Variants in TNRC6B observed in about 807,000 individuals in gnomAD.
TNRC6B encodes trinucleotide repeat containing adaptor 6B, also known as trinucleotide repeat-containing gene 6B protein.
A neutral mutation model predicts 203.6 loss-of-function variants in TNRC6B; 52 were observed. That is an observed-to-expected ratio of 0.26 (90% CI 0.20 to 0.32). The LOEUF is 0.32. TNRC6B is among the 10% of genes least tolerant of loss of function. The probability of loss-of-function intolerance (pLI) is 1.00; values close to 1 mark genes in which losing one functional copy is unlikely to be tolerated. For synonymous variants in TNRC6B, 838 were observed against 845.7 expected, an observed-to-expected ratio of 0.99 and a Z score of 0.16; for missense variants, 1,923 against 2,286.2, an observed-to-expected ratio of 0.84 and a Z score of 3.24.
chr22:40,232,750 C>T (rs5750907), intron 1 of TNRC6B, among the ~76,000 whole-genome samples: 49,310 of 152,092 alleles, frequency 0.32, 9,653 homozygotes, highest in East Asian at 0.57. Flanking sequence ...CAGTGGTGCA[C>T]GCCTCTAATC....
chr22:40,240,197 T>A (rs1395848994), intron 1 of TNRC6B, among the ~76,000 whole-genome samples: 7 of 152,150 alleles, frequency 4.6e-5, no homozygotes, highest in Non-Finnish European at 7.3e-5. Context: ...TTGTAAAAAA[T>A]TAAGAAGAAA....
At chr22:40,056,200 G>C (rs763617389) in intron 1 of TNRC6B, among the ~76,000 whole-genome samples, 1 of 152,108 alleles carries the variant, frequency 6.6e-6, no homozygotes, top group Non-Finnish European at 1.5e-5. Context: ...TCCATACCTT[G>C]TTGGCTAAAC....
chr22:40,153,596 T>C (rs2068781298), intron 3 of TNRC6B, among the ~76,000 whole-genome samples: 1 of 150,896 alleles, frequency 6.6e-6, no homozygotes, highest in Non-Finnish European at 1.5e-5. Context: ...TAATTATTAG[T>C]TCCAGGGAAA....
chr22:40,114,549 C>A (rs1323369730), intron 1 of TNRC6B, among the ~76,000 whole-genome samples: 1 of 152,136 alleles, frequency 6.6e-6, no homozygotes, highest in Non-Finnish European at 1.5e-5. Context: ...TCTCGAACTC[C>A]TGAGCTTAAC....
At chr22:40,197,355 G>A (rs931812320) in intron 1 of TNRC6B, among the ~76,000 whole-genome samples, 4 of 151,942 alleles carry the variant, frequency 2.6e-5, no homozygotes, top group African/African-American at 9.7e-5. Flanking sequence ...CTTGATCTCA[G>A]CTCACTGCAA....
rs756951957 is a variant in TNRC6B at position 40,303,046 on chromosome 22, C to CT, written c.4120+1734dup. Reference sequence around the variant, plus strand: ...CCTTCTTCTTCTTCTTCTTCTTCTTCTTTTTTTTTTTTTTTTTTTTTGAGG... The same window carrying CT: ...CCTTCTTCTTCTTCTTCTTCTTCTTCTTTTTTTTTTTTTTTTTTTTTTGAGG... On this transcript the variant is annotated intron_variant, in intron 15 of 22. Coordinates refer to ENST00000454349, the MANE Select transcript of TNRC6B (RefSeq NM_001162501.2). Among the ~76,000 whole-genome samples, 733 of 90,062 alleles carry CT rather than the reference C, an allele frequency of 8.1e-3. 8 individuals carry two copies. Among genetic ancestry groups the CT allele is most frequent in the East Asian group, 0.03 (102 of 3,348 alleles). The allele number at this position is 90,062 out of a possible 152,430, so 59.1% of individuals were successfully genotyped here.
At position 40,266,047 on chromosome 22, in the gene TNRC6B, C is replaced by T. The variant is rs1569045128; in HGVS notation, c.1817C>T (p.Thr606Ile). The change falls in exon 5 of 23, where the codon ACT becomes ATT. Residue 606 changes from threonine (T) to isoleucine (I), a missense_variant. Physicochemically the swap from Thr to Ile is moderately conservative, Grantham distance 89. Coordinates refer to ENST00000454349, the MANE Select transcript of TNRC6B (RefSeq NM_001162501.2). ...CCTGATTGTCAGGCTGTCTTGCAGA[C>T]TCTTTTGAGCCGAACTGATTTGGAC... is the stretch of plus-strand genomic sequence containing the variant. ...THPDCQAVLQ[T>I]LLSRTDLDPR... is the part of the protein sequence containing the mutation. 1 of 1,613,590 alleles carries T rather than the reference C, an allele frequency of 6.2e-7. No homozygotes were observed. The highest frequency in any genetic ancestry group is 1.7e-5 in the Admixed American group (1 of 60,014).
intron 1 of TNRC6B, among the ~76,000 whole-genome samples, chr22:40,112,967 C>T (rs538741156): frequency 1.3e-5 from 2 of 152,164 alleles, no homozygotes; most frequent in African/African-American, 4.8e-5. Flanking sequence ...TAGAGCCAGG[C>T]ATGGTGGCAC....
intron 2 of TNRC6B, among the ~76,000 whole-genome samples, chr22:40,122,871 G>A (rs1214571733): frequency 6.6e-6 from 1 of 152,174 alleles, no homozygotes; most frequent in African/African-American, 2.4e-5. Context: ...CCAAGTTTTG[G>A]TAGGGAAGCT....
At chr22:40,285,588 C>T (rs1291052673) in intron 11 of TNRC6B, 57 bp from the exon 12 acceptor site, 1 of 1,581,858 alleles carries the variant, frequency 6.3e-7, no homozygotes, top group Non-Finnish European at 8.6e-7. Flanking sequence ...AGAACTGTTT[C>T]TTACTTGCAT....
At chr22:40,269,126 C>CCTTT (rs2070522098) in intron 5 of TNRC6B, among the ~76,000 whole-genome samples, 2 of 57,854 alleles carry the variant, frequency 3.5e-5, no homozygotes, top group East Asian at 1.4e-3. Context: ...TACAGTATTT[C>CCTTT]TTTTTTTTTT....
intron 1 of TNRC6B, among the ~76,000 whole-genome samples, chr22:40,080,240 G>A (rs903169832): frequency 5.3e-5 from 8 of 151,294 alleles, no homozygotes; most frequent in Non-Finnish European, 8.8e-5. Flanking sequence ...ACCATGCCCA[G>A]CCAATTTTTT....
chr22:40,157,599 A>G (rs141601665), intron 4 of TNRC6B, among the ~76,000 whole-genome samples: 32 of 152,324 alleles, frequency 2.1e-4, no homozygotes, highest in African/African-American at 7.5e-4. Flanking sequence ...TATTCTATCA[A>G]ATGCACTTAC....
intron 3 of TNRC6B, among the ~76,000 whole-genome samples, chr22:40,251,649 G>T (rs1229655602): frequency 2.0e-5 from 3 of 151,800 alleles, no homozygotes. Flanking sequence ...AACCTGGGAG[G>T]CAGAGGTTGC....
intron 1 of TNRC6B, among the ~76,000 whole-genome samples, chr22:40,233,059 A>G (rs2069897577): frequency 6.6e-6 from 1 of 152,066 alleles, no homozygotes; most frequent in Admixed American, 6.6e-5. Context: ...GAGGCAGGAG[A>G]ATCGCTTGCA....
intron 15 of TNRC6B, among the ~76,000 whole-genome samples, chr22:40,306,246 T>G (rs1170355320): frequency 2.0e-5 from 3 of 152,146 alleles, no homozygotes; most frequent in African/African-American, 7.2e-5. Context: ...GAGCCAAGAT[T>G]GTGCCGCTGC....
intron 1 of TNRC6B, among the ~76,000 whole-genome samples, chr22:40,240,371 C>T (rs1193355448): frequency 6.6e-6 from 1 of 152,100 alleles, no homozygotes; most frequent in African/African-American, 2.4e-5. Context: ...TATTAAACCC[C>T]CAGCTCCCCT....
At chr22:40,268,919 T>TAAC (rs2070518767) in intron 5 of TNRC6B, among the ~76,000 whole-genome samples, 1 of 146,162 alleles carries the variant, frequency 6.8e-6, no homozygotes, top group Non-Finnish European at 1.5e-5. Flanking sequence ...TCTCAAAAAA[T>TAAC]AATAATAATA....
chr22:40,297,704 C>T (rs1044600623), intron 12 of TNRC6B, among the ~76,000 whole-genome samples: 1 of 151,834 alleles, frequency 6.6e-6, no homozygotes, highest in African/African-American at 2.4e-5. Context: ...TGCCTGTAGT[C>T]CCAGCTACTC....
Sources: gnomAD v4.1 joint callset for allele counts (sites outside exome capture counted in the v4.1 genomes callset) on GRCh38, gnomAD v4.1.1 for gene constraint, MANE v1.5 for transcripts, NCBI Gene and HGNC (gene_info 2026-07-23, HGNC 2026-07-21) for gene names.